NXPH1: variants seen among roughly 807,000 people sequenced by gnomAD.
NXPH1 encodes the protein neurexophilin-1.
NXPH1 carries 5 observed loss-of-function variants against 23.7 expected under a neutral mutation model. That is an observed-to-expected ratio of 0.21 (90% confidence interval 0.11 to 0.44). The LOEUF (loss-of-function observed/expected upper bound fraction) is 0.44, where lower values mean the gene tolerates loss of function less well. NXPH1 is among the 20% of genes least tolerant of loss of function. The probability of loss-of-function intolerance (pLI) is 0.99; values close to 1 mark genes in which losing one functional copy is unlikely to be tolerated. For synonymous variants in NXPH1, 144 were observed against 122.2 expected (o/e 1.18, Z -1.18); for missense variants, 324 against 321.6 (o/e 1.01, Z -0.06).
At chr7:8,733,203 T>C (rs1017851430) in intron 2 of NXPH1, among the ~76,000 whole-genome samples, 3 of 152,238 alleles carry the variant, frequency 2.0e-5, no homozygotes, top group Non-Finnish European at 4.4e-5. Flanking sequence ...GCAAAGGACA[T>C]GAACTCATCC....
chr7:8,640,610 T>C lies in NXPH1; in HGVS notation c.55-110398T>C, dbSNP rs1371361410. On this transcript the variant is annotated intron_variant, in intron 2 of 2. Coordinates refer to ENST00000405863, the MANE Select transcript of NXPH1 (RefSeq NM_152745.3). ...TCACTCATTATTTTTTATGTGATGG[T>C]CTCATAATTCTTATTCTTTTAGATA... Among the ~76,000 whole-genome samples the C allele has an allele frequency of 2.0e-5, 3 of 152,124 alleles. No homozygotes were observed. The South Asian group carries it at 6.2e-4, about 32-fold the overall frequency.
chr7:8,497,103 C>G (rs374148351), intron 2 of NXPH1, among the ~76,000 whole-genome samples: 1 of 152,088 alleles, frequency 6.6e-6, no homozygotes, highest in East Asian at 1.9e-4. Context: ...TGAGTGAGAA[C>G]GTGCAGTGTT....
intron 2 of NXPH1, among the ~76,000 whole-genome samples, chr7:8,494,089 C>A (rs1207312070): frequency 6.6e-6 from 1 of 151,940 alleles, no homozygotes; most frequent in Non-Finnish European, 1.5e-5. Flanking sequence ...AAGGCCTTTA[C>A]TGGGAATCAA....
intron 2 of NXPH1, among the ~76,000 whole-genome samples, chr7:8,662,066 C>A (rs909321798): frequency 6.6e-5 from 10 of 151,760 alleles, no homozygotes; most frequent in African/African-American, 2.2e-4. Flanking sequence ...TAGATTCCAA[C>A]CAAAAAGTTG....
At chr7:8,717,966 A>G (rs571973420) in intron 2 of NXPH1, among the ~76,000 whole-genome samples, 16 of 151,616 alleles carry the variant, frequency 1.1e-4, no homozygotes, top group South Asian at 6.3e-4. Context: ...CAGAGCCCCT[A>G]TATACATTTA....
At chr7:8,577,281 T>G (rs1818773129) in intron 2 of NXPH1, among the ~76,000 whole-genome samples, 1 of 152,192 alleles carries the variant, frequency 6.6e-6, no homozygotes, top group South Asian at 2.1e-4. Context: ...TACATTTTAT[T>G]CAGAGCTATG....
At chr7:8,452,150 T>C (rs558716950) in intron 2 of NXPH1, among the ~76,000 whole-genome samples, 3 of 152,210 alleles carry the variant, frequency 2.0e-5, no homozygotes, top group Non-Finnish European at 4.4e-5. Flanking sequence ...CTAGAGTTAA[T>C]AGATATTCAG....
chr7:8,534,123 G>A (rs1817991286), intron 2 of NXPH1, among the ~76,000 whole-genome samples: 1 of 152,084 alleles, frequency 6.6e-6, no homozygotes, highest in African/African-American at 2.4e-5. Context: ...TTATTCTATA[G>A]ATCAAGCTAT....
chr7:8,492,944 C>G (rs905203120), intron 2 of NXPH1, among the ~76,000 whole-genome samples: 12 of 152,064 alleles, frequency 7.9e-5, no homozygotes, highest in Non-Finnish European at 1.3e-4. Flanking sequence ...GAAGGAAAGG[C>G]CTTTTCTTTT....
intron 2 of NXPH1, among the ~76,000 whole-genome samples, chr7:8,466,927 A>G (rs1276984517): frequency 1.3e-5 from 2 of 152,080 alleles, no homozygotes; most frequent in Non-Finnish European, 2.9e-5. Context: ...CTTGCTAACT[A>G]TGTGACCTGG....
At chr7:8,481,048 A>G (rs983663418) in intron 2 of NXPH1, among the ~76,000 whole-genome samples, 1 of 152,164 alleles carries the variant, frequency 6.6e-6, no homozygotes, top group Admixed American at 6.5e-5. Context: ...TCACACATGT[A>G]CTATATTGTG....
At chr7:8,539,275 T>G (rs1374688855) in intron 2 of NXPH1, among the ~76,000 whole-genome samples, 1 of 151,654 alleles carries the variant, frequency 6.6e-6, no homozygotes, top group Admixed American at 6.6e-5. Context: ...AATATAAGAT[T>G]TATATTTAGA....
chr7:8,623,223 G>C (rs767154892), intron 2 of NXPH1, among the ~76,000 whole-genome samples: 1 of 152,098 alleles, frequency 6.6e-6, no homozygotes, highest in Non-Finnish European at 1.5e-5. Context: ...GTGGAGACAG[G>C]GAAGACTCTG....
In NXPH1 at chr7:8,435,635, G is replaced by A; in HGVS notation, c.-79G>A. The A allele has an allele frequency of 7.6e-7, 1 of 1,309,102 alleles. No individual in the cohort carries two copies. Among genetic ancestry groups the A allele is most frequent in the Non-Finnish European group, 1.1e-6 (1 of 901,940 alleles). 81.1% of individuals were successfully genotyped at this position (1,309,102 alleles called of 1,614,324 possible). On this transcript the variant is annotated 5_prime_UTR_variant, in exon 2 of 3. Transcript: ENST00000405863. This position sits in a 1 kb window ranked among gnomAD's most constrained non-coding sequence, Gnocchi z 5.9. ...GAGAGCGCTCCTTGCTCTGTAAAGTGGATGTCAGGTGGATCTATGTTTCTG... is the reference window on the plus strand; with the variant it reads ...GAGAGCGCTCCTTGCTCTGTAAAGTAGATGTCAGGTGGATCTATGTTTCTG...
rs1816164204 is a variant in NXPH1, at chr7:8,435,006, T to C, written c.-111+251T>C. On this transcript the variant is annotated intron_variant, in intron 1 of 2. Transcript: ENST00000405863. The surrounding 1 kb of genome is among the most constrained non-coding windows in gnomAD (Gnocchi z 5.9). ...TCTCTGTGTGCGCCAGGGGTTCGAATGGGTAAACTGATCCCTGCTTTCCTG... is the reference window on the plus strand; with the variant it reads ...TCTCTGTGTGCGCCAGGGGTTCGAACGGGTAAACTGATCCCTGCTTTCCTG... 1 of 152,448 alleles carries C rather than the reference T, an allele frequency of 6.6e-6. No homozygotes were observed. The allele number at this position is 152,448 out of a possible 1,614,324, so 9.4% of individuals were successfully genotyped here.
intron 2 of NXPH1, among the ~76,000 whole-genome samples, chr7:8,536,729 A>C (rs74395785): frequency 0.013 from 2,037 of 152,066 alleles, 54 homozygotes; most frequent in African/African-American, 0.046. Context: ...AATCTATATT[A>C]ATATCCCAGA....
At chr7:8,734,347 G>A (rs1379091135) in intron 2 of NXPH1, among the ~76,000 whole-genome samples, 2 of 152,088 alleles carry the variant, frequency 1.3e-5, no homozygotes, top group Non-Finnish European at 2.9e-5. Flanking sequence ...GGATTGTCTT[G>A]GCTATACGGG....
intron 2 of NXPH1, among the ~76,000 whole-genome samples, chr7:8,702,904 T>C (rs1695053802): frequency 6.6e-6 from 1 of 152,086 alleles, no homozygotes; most frequent in Admixed American, 6.6e-5. Context: ...AACTATTGCC[T>C]CTGGGCTCTA....
intron 2 of NXPH1, among the ~76,000 whole-genome samples, chr7:8,532,073 C>T (rs931578697): frequency 6.6e-6 from 1 of 152,140 alleles, no homozygotes; most frequent in Non-Finnish European, 1.5e-5. Flanking sequence ...AAAAAATTAA[C>T]AGCCATAAAA....
Sources: gnomAD v4.1 joint callset for allele counts (sites outside exome capture counted in the v4.1 genomes callset) on GRCh38, gnomAD v4.1.1 for gene constraint, Gnocchi (gnomAD v3.1) non-coding constraint, MANE v1.5 for transcripts, NCBI Gene and HGNC (gene_info 2026-07-23, HGNC 2026-07-21) for gene names.